Variants in MAGI1 observed in about 807,000 individuals in gnomAD.
MAGI1 encodes the protein membrane associated guanylate kinase, WW and PDZ domain containing 1.
Under a neutral mutation model 139.9 loss-of-function variants are expected in MAGI1, and 58 were observed. That is an observed-to-expected ratio of 0.41 (90% CI 0.34 to 0.52). MAGI1 has a LOEUF of 0.52. Among genes scored for constraint, MAGI1 ranks in the 20% least tolerant of loss-of-function variants. The probability of loss-of-function intolerance (pLI) is 0.12; values close to 1 mark genes in which losing one functional copy is unlikely to be tolerated. For missense variants in MAGI1, 1,874 were observed against 1,901.6 expected (o/e 0.99, Z 0.27); for synonymous variants, 812 against 737.9 (o/e 1.10, Z -1.63).
chr3:65,597,935 G>GGGGGGGT, intron 2 of MAGI1: 1 of 395,926 alleles, frequency 2.5e-6, no homozygotes, highest in Admixed American at 2.8e-5. Flanking sequence ...TGGGGGGGGG[G>GGGGGGGT]TGGGACCGAA....
At chr3:66,016,111 G>A (rs2067623249) in intron 1 of MAGI1, among the ~76,000 whole-genome samples, 1 of 152,118 alleles carries the variant, frequency 6.6e-6, no homozygotes, top group African/African-American at 2.4e-5. Context: ...AGTCAATTAC[G>A]AAGTCTATTC....
intron 3 of MAGI1, among the ~76,000 whole-genome samples, chr3:65,482,578 CAG>C (rs2107628947): frequency 6.6e-6 from 1 of 152,242 alleles, no homozygotes; most frequent in East Asian, 1.9e-4. Context: ...TTAACTAATG[CAG>C]AGTTTTCAAA....
chr3:65,694,242 C>T (rs185093613), intron 1 of MAGI1, among the ~76,000 whole-genome samples: 1 of 152,258 alleles, frequency 6.6e-6, no homozygotes, highest in Admixed American at 6.5e-5. Flanking sequence ...GCCATAGCAG[C>T]TGTGGTTATT....
At chr3:65,633,479 G>C (rs1330568852) in intron 1 of MAGI1, among the ~76,000 whole-genome samples, 1 of 152,136 alleles carries the variant, frequency 6.6e-6, no homozygotes, top group Non-Finnish European at 1.5e-5. Flanking sequence ...CCCCACATGA[G>C]CAAGCATGAA....
At chr3:65,445,961 C>T (rs1948650393) in intron 7 of MAGI1, among the ~76,000 whole-genome samples, 1 of 152,156 alleles carries the variant, frequency 6.6e-6, no homozygotes, top group Non-Finnish European at 1.5e-5. Flanking sequence ...AGCTTGTCAA[C>T]AGAATCTGGA....
intron 1 of MAGI1, among the ~76,000 whole-genome samples, chr3:65,992,070 C>T (rs762460204): frequency 6.6e-6 from 1 of 152,092 alleles, no homozygotes; most frequent in African/African-American, 2.4e-5. Flanking sequence ...GAGAAACAAG[C>T]ATGCAAGATG....
chr3:65,997,834 C>G (rs986495287), intron 1 of MAGI1, among the ~76,000 whole-genome samples: 1 of 152,106 alleles, frequency 6.6e-6, no homozygotes, highest in African/African-American at 2.4e-5. Context: ...AAGGACTGTT[C>G]GCCAACTCTA....
At chr3:66,008,243 T>A (rs2067135044) in intron 1 of MAGI1, among the ~76,000 whole-genome samples, 1 of 152,182 alleles carries the variant, frequency 6.6e-6, no homozygotes, top group Admixed American at 6.5e-5. Context: ...AGGACCAGCA[T>A]CAGCATCACG....
At chr3:65,540,316 T>C (rs529939841) in intron 2 of MAGI1, among the ~76,000 whole-genome samples, 22 of 152,328 alleles carry the variant, frequency 1.4e-4, no homozygotes, top group Middle Eastern at 3.4e-3. Flanking sequence ...CTCACCCTGA[T>C]TCATTATTTT....
intron 1 of MAGI1, among the ~76,000 whole-genome samples, chr3:65,781,190 T>G (rs2038901071): frequency 6.7e-6 from 1 of 149,140 alleles, no homozygotes; most frequent in Non-Finnish European, 1.5e-5. Flanking sequence ...ATCAAGATTC[T>G]GTCTCAAAAA....
At chr3:65,608,987 A>G (rs1425926852) in intron 2 of MAGI1, among the ~76,000 whole-genome samples, 1 of 152,200 alleles carries the variant, frequency 6.6e-6, no homozygotes, top group Non-Finnish European at 1.5e-5. Flanking sequence ...AAGTTACAGC[A>G]GAAGAATACA....
chr3:65,523,253 A>G (rs940256525), intron 2 of MAGI1, among the ~76,000 whole-genome samples: 2 of 152,160 alleles, frequency 1.3e-5, no homozygotes, highest in Non-Finnish European at 2.9e-5. Flanking sequence ...TTATCTCAAG[A>G]GTAGAAAACT....
intron 2 of MAGI1, among the ~76,000 whole-genome samples, chr3:65,605,907 G>C (rs900967655): frequency 2.0e-5 from 3 of 152,138 alleles, no homozygotes; most frequent in Non-Finnish European, 4.4e-5. Context: ...GAGATCCGGC[G>C]AGTCCTACTT....
chr3:65,500,246 G>A (rs1432721639), intron 2 of MAGI1, among the ~76,000 whole-genome samples: 1 of 152,024 alleles, frequency 6.6e-6, no homozygotes, highest in East Asian at 1.9e-4. Flanking sequence ...CTTAAACAGG[G>A]TCCTTTTTAA....
At chr3:65,681,388 A>G (rs1220895157) in intron 1 of MAGI1, among the ~76,000 whole-genome samples, 3 of 152,246 alleles carry the variant, frequency 2.0e-5, no homozygotes, top group East Asian at 1.9e-4. Context: ...TGACACTGAA[A>G]GATAAAATCC....
intron 2 of MAGI1, among the ~76,000 whole-genome samples, chr3:65,603,560 G>C (rs926329014): frequency 6.6e-6 from 1 of 152,192 alleles, no homozygotes; most frequent in Non-Finnish European, 1.5e-5. Context: ...TACTGCCATC[G>C]AACAGAAAGT....
intron 2 of MAGI1, among the ~76,000 whole-genome samples, chr3:65,583,205 G>A (rs1433146125): frequency 6.6e-6 from 1 of 152,158 alleles, no homozygotes; most frequent in Non-Finnish European, 1.5e-5. Flanking sequence ...CCTGGACAGT[G>A]TGAGTCCAGA....
intron 6 of MAGI1, among the ~76,000 whole-genome samples, chr3:65,450,458 A>C (rs1311384469): frequency 6.6e-6 from 1 of 152,172 alleles, no homozygotes; most frequent in Non-Finnish European, 1.5e-5. Flanking sequence ...GTGTGAAGAA[A>C]AGTGACATAT....
chr3:65,926,447 A>T (rs1192699840), intron 1 of MAGI1, among the ~76,000 whole-genome samples: 1 of 151,870 alleles, frequency 6.6e-6, no homozygotes, highest in Non-Finnish European at 1.5e-5. Context: ...GGCTAGATAA[A>T]ATAAGACTAA....
Sources: allele counts gnomAD v4.1 joint callset (sites outside exome capture counted in the v4.1 genomes callset), GRCh38; gene constraint gnomAD v4.1.1; transcripts MANE v1.5; gene names NCBI Gene and HGNC (gene_info 2026-07-23, HGNC 2026-07-21).